Variants in RBFOX1 observed in about 807,000 individuals in gnomAD.
RBFOX1 encodes the protein RNA binding fox-1 homolog 1.
RBFOX1 carries 8 observed loss-of-function variants against 57.7 expected under a neutral mutation model. That is an observed-to-expected ratio of 0.14 (90% CI 0.08 to 0.25). The LOEUF is 0.25. Ranked by LOEUF, RBFOX1 falls within the 10% of genes least tolerant of loss-of-function variation. RBFOX1 has a pLI of 1.00. For missense variants in RBFOX1, 611 were observed against 548.5 expected (o/e 1.11, Z -1.14); for synonymous variants, 326 against 222.4 (o/e 1.47, Z -4.15).
At chr16:6,483,674 G>A (rs1184577297) in intron 2 of RBFOX1, 8 of 1,446,856 alleles carry the variant, frequency 5.5e-6, no homozygotes, top group African/African-American at 1.4e-5. Flanking sequence ...TCCGCGGGAG[G>A]GGGTTGCAGA....
At position 6,731,037 on chromosome 16, in the gene RBFOX1, A is replaced by C. The variant is rs571772306; in HGVS notation, c.-16+76387A>C. Among the ~76,000 whole-genome samples, 6 of 152,324 alleles carry C rather than the reference A, an allele frequency of 3.9e-5. No homozygotes were observed. The South Asian group carries it at 1.2e-3, about 32-fold the overall frequency. On this transcript the variant is annotated intron_variant, in intron 3 of 15. Coordinates refer to ENST00000550418, the MANE Select transcript of RBFOX1 (RefSeq NM_018723.4). ...AAAAGAGAGGTTATGTTTGCAACCC[A>C]GATCAGAAGCCAGATTATAAATTCC...
At chr16:6,372,984 G>A (rs1283130029) in intron 2 of RBFOX1, among the ~76,000 whole-genome samples, 1 of 152,066 alleles carries the variant, frequency 6.6e-6, no homozygotes, top group Admixed American at 6.5e-5. Context: ...CGGATGGGAG[G>A]GTGGTTGGTA....
intron 3 of RBFOX1, among the ~76,000 whole-genome samples, chr16:6,861,833 T>TTG (rs942074288): frequency 6.7e-5 from 10 of 149,770 alleles, no homozygotes; most frequent in South Asian, 2.1e-4. Context: ...GTTTTTTTTT[T>TTG]TTTTTTTTTT....
At chr16:6,192,561 G>A (rs187244724) in intron 1 of RBFOX1, among the ~76,000 whole-genome samples, 28 of 152,124 alleles carry the variant, frequency 1.8e-4, no homozygotes, top group Admixed American at 1.4e-3. Context: ...AATAAGGATG[G>A]TCACTAAGCA....
At chr16:7,284,254 T>C (rs959235171) in intron 4 of RBFOX1, among the ~76,000 whole-genome samples, 3 of 152,252 alleles carry the variant, frequency 2.0e-5, no homozygotes, top group African/African-American at 7.2e-5. Flanking sequence ...CAGGTAATTC[T>C]GTATAACAAT....
intron 3 of RBFOX1, among the ~76,000 whole-genome samples, chr16:5,859,182 G>A (rs1440332534): frequency 6.6e-6 from 1 of 152,178 alleles, no homozygotes; most frequent in Non-Finnish European, 1.5e-5. Context: ...TCCAGCCTGG[G>A]CGACACAGCG....
At chr16:6,517,607 C>T (rs1006289041) in intron 2 of RBFOX1, among the ~76,000 whole-genome samples, 1 of 152,036 alleles carries the variant, frequency 6.6e-6, no homozygotes, top group Non-Finnish European at 1.5e-5. Context: ...AGTGCTTTGC[C>T]TGGGTGTTTA....
chr16:5,506,572 C>G (rs1402792189), intron 2 of RBFOX1, among the ~76,000 whole-genome samples: 1 of 152,190 alleles, frequency 6.6e-6, no homozygotes, highest in Admixed American at 6.5e-5. Flanking sequence ...TGCAGCCAGC[C>G]TAGCTCAGCT....
chr16:5,445,182 G>C (rs1311464930), intron 1 of RBFOX1, among the ~76,000 whole-genome samples: 1 of 152,216 alleles, frequency 6.6e-6, no homozygotes, highest in Non-Finnish European at 1.5e-5. Context: ...TGACTTGGTA[G>C]CTTAGACCAG....
chr16:6,544,482 G>C (rs1234087062), intron 2 of RBFOX1, among the ~76,000 whole-genome samples: 2 of 152,098 alleles, frequency 1.3e-5, no homozygotes, highest in African/African-American at 4.8e-5. Flanking sequence ...TGTTTTGTAG[G>C]ATCTCATAGG....
At chr16:7,188,356 T>C (rs9931634) in intron 4 of RBFOX1, among the ~76,000 whole-genome samples, 42,217 of 152,182 alleles carry the variant, frequency 0.28, 6,125 homozygotes, top group Non-Finnish European at 0.33. Flanking sequence ...CATTAGAATG[T>C]TCTGATATTT....
intron 3 of RBFOX1, among the ~76,000 whole-genome samples, chr16:6,935,471 A>G (rs979493751): frequency 1.3e-5 from 2 of 152,166 alleles, no homozygotes; most frequent in African/African-American, 4.8e-5. Flanking sequence ...ATAATGAATG[A>G]TTACTGTTGT....
intron 4 of RBFOX1, among the ~76,000 whole-genome samples, chr16:6,012,846 GAAA>G (rs1043555362): frequency 6.6e-6 from 1 of 151,870 alleles, no homozygotes; most frequent in African/African-American, 2.4e-5. Context: ...TGGAAGTAAA[GAAA>G]AAAATGTATT....
At chr16:5,848,313 A>T (rs143729347) in intron 3 of RBFOX1, among the ~76,000 whole-genome samples, 108 of 152,154 alleles carry the variant, frequency 7.1e-4, no homozygotes, top group Middle Eastern at 3.4e-3. Context: ...CTATATGGAA[A>T]CCCCTAACAA....
At chr16:7,627,057 G>A (rs2060180564) in intron 10 of RBFOX1, among the ~76,000 whole-genome samples, 1 of 151,594 alleles carries the variant, frequency 6.6e-6, no homozygotes, top group African/African-American at 2.4e-5. Flanking sequence ...TCACCCCTGA[G>A]GACAAGGGAG....
In RBFOX1 at chr16:7,485,658, A is replaced by G. The variant is rs8059063; in HGVS notation, c.28-32489A>G. Among the ~76,000 whole-genome samples the G allele has an allele frequency of 7.8e-3, 1,185 of 152,356 alleles. 14 individuals carry two copies. The highest frequency in any genetic ancestry group is 0.027 in the African/African-American group (1,133 of 41,590). ...AAATAGAAGATTGTTCTATCTAAAC[A>G]TGTGCCTAACTGACATCTATTTTGT... is the stretch of plus-strand genomic sequence containing the variant. On this transcript the variant is annotated intron_variant, in intron 4 of 15. Transcript: ENST00000550418.
chr16:5,375,725 A>G (rs531460766), intron 1 of RBFOX1, among the ~76,000 whole-genome samples: 29 of 152,234 alleles, frequency 1.9e-4, no homozygotes, highest in Non-Finnish European at 3.8e-4. Context: ...AATGGGAAAC[A>G]TCTTTGGTGG....
intron 1 of RBFOX1, among the ~76,000 whole-genome samples, chr16:6,264,564 C>A (rs1398484694): frequency 6.6e-6 from 1 of 152,124 alleles, no homozygotes; most frequent in African/African-American, 2.4e-5. Context: ...GCCACAGGGC[C>A]CTTCTCTGCA....
intron 2 of RBFOX1, among the ~76,000 whole-genome samples, chr16:6,436,256 G>A (rs1034069380): frequency 6.6e-6 from 1 of 152,110 alleles, no homozygotes; most frequent in Non-Finnish European, 1.5e-5. Flanking sequence ...AATGGCTGTT[G>A]GAATGGTAAT....
Sources: allele counts gnomAD v4.1 joint callset (sites outside exome capture counted in the v4.1 genomes callset), GRCh38; gene constraint gnomAD v4.1.1; transcripts MANE v1.5; gene names NCBI Gene and HGNC (gene_info 2026-07-23, HGNC 2026-07-21).